SHLD2: variants seen among roughly 807,000 people sequenced by gnomAD.
The protein encoded by SHLD2 is RINN1-REV7-interacting novel NHEJ regulator 2.
Under a neutral mutation model 73.2 loss-of-function variants are expected in SHLD2, and 30 were observed. The observed-to-expected ratio is 0.41, with a 90% CI of 0.31 to 0.56. SHLD2 has a LOEUF of 0.56. Ranked by LOEUF, SHLD2 falls within the 20% of genes least tolerant of loss-of-function variation. The pLI is 0.28. For synonymous variants in SHLD2, 285 were observed against 370.1 expected (o/e 0.77, Z 2.64); for missense variants, 745 against 1,055.9 (o/e 0.71, Z 4.08).
chr10:87,144,616 ATTTTTT>A (rs548218721), intron 2 of SHLD2, among the ~76,000 whole-genome samples: 2,118 of 89,416 alleles, frequency 0.024, 17 homozygotes, highest in South Asian at 0.06. Context: ...GCATTTACTA[ATTTTTT>A]TTTTTTTTTT....
intron 4 of SHLD2, among the ~76,000 whole-genome samples, chr10:87,166,365 TAAC>T (rs1372926454): frequency 6.8e-6 from 1 of 147,168 alleles, no homozygotes; most frequent in Non-Finnish European, 1.5e-5. Context: ...TGACTAACAA[TAAC>T]AAAGGAAGCT....
chr10:87,097,455 G>A (rs2133906559), intron 2 of SHLD2, among the ~76,000 whole-genome samples: 1 of 152,214 alleles, frequency 6.6e-6, no homozygotes, highest in Non-Finnish European at 1.5e-5. Context: ...AGCCAGGCGT[G>A]GTGGCGGGGA....
In SHLD2 at chr10:87,120,543, G is replaced by A. The variant is rs541714782; in HGVS notation, c.-6+23554G>A. Among the ~76,000 whole-genome samples, 13 of 151,882 alleles carry A rather than the reference G, an allele frequency of 8.6e-5. No homozygotes were observed. The South Asian group carries it at 2.5e-3, about 29-fold the overall frequency. On this transcript the variant is annotated intron_variant, in intron 2 of 9. Coordinates refer to ENST00000298786, the MANE Select transcript of SHLD2 (RefSeq NM_001330112.2). Reference sequence around the variant, plus strand: ...ATTACAGGCGTGAACCACCGCGCCCGGCCGTGTTGAAGTTTTTAATATAGC... The same window carrying A: ...ATTACAGGCGTGAACCACCGCGCCCAGCCGTGTTGAAGTTTTTAATATAGC...
chr10:87,134,303 C>T (rs1217999862), intron 2 of SHLD2, among the ~76,000 whole-genome samples: 2 of 152,192 alleles, frequency 1.3e-5, no homozygotes, highest in Non-Finnish European at 2.9e-5. Context: ...ATGAACCAAA[C>T]TCCAGAAAGT....
At chr10:87,187,307 T>C (rs1353283095) in intron 9 of SHLD2, 107 bp downstream of exon 9, 2 of 741,170 alleles carry the variant, frequency 2.7e-6, no homozygotes, top group East Asian at 2.7e-5. Flanking sequence ...TCTGTCCATA[T>C]GAAAACCGAA....
At chr10:87,168,335 G>A (rs1157723408) in intron 4 of SHLD2, among the ~76,000 whole-genome samples, 3 of 152,164 alleles carry the variant, frequency 2.0e-5, no homozygotes, top group African/African-American at 7.2e-5. Context: ...AGTGGCTCAT[G>A]CCTGTAATTC....
chr10:87,165,251 A>G (rs557092215), intron 4 of SHLD2, among the ~76,000 whole-genome samples: 12 of 152,266 alleles, frequency 7.9e-5, no homozygotes, highest in Admixed American at 2.6e-4. Context: ...GATCACAATA[A>G]TAAATACTGC....
chr10:87,115,998 T>G (rs906362356), intron 2 of SHLD2, among the ~76,000 whole-genome samples: 2 of 152,218 alleles, frequency 1.3e-5, no homozygotes, highest in African/African-American at 4.8e-5. Flanking sequence ...CAGTAAATAT[T>G]TATTAAATGA....
At chr10:87,122,556 C>A in intron 2 of SHLD2, among the ~76,000 whole-genome samples, 1 of 151,768 alleles carries the variant, frequency 6.6e-6, no homozygotes, top group Non-Finnish European at 1.5e-5. Flanking sequence ...AAACTAAGAA[C>A]CCAGGACTGT....
At chr10:87,096,098 T>G (rs1011550451) in intron 1 of SHLD2, among the ~76,000 whole-genome samples, 8 of 152,238 alleles carry the variant, frequency 5.3e-5, no homozygotes, top group Non-Finnish European at 5.9e-5. Context: ...GGGAGTGTAG[T>G]GGCACCATCT....
intron 4 of SHLD2, among the ~76,000 whole-genome samples, chr10:87,166,865 C>G (rs1847237211): frequency 6.6e-6 from 1 of 151,782 alleles, no homozygotes; most frequent in Admixed American, 6.6e-5. Context: ...CAGTTGAAGT[C>G]AGTTAAATTT....
chr10:87,166,766 TAAG>T (rs1429622800), intron 4 of SHLD2, among the ~76,000 whole-genome samples: 2 of 152,194 alleles, frequency 1.3e-5, no homozygotes, highest in Admixed American at 6.5e-5. Flanking sequence ...CAGGGCATTT[TAAG>T]AAGAAAAGCA....
chr10:87,147,089 C>CAAAAAAAAAAAAAAAAAAAAAA, intron 2 of SHLD2, among the ~76,000 whole-genome samples: 1 of 99,168 alleles, frequency 1.0e-5, no homozygotes, highest in Non-Finnish European at 2.2e-5. Flanking sequence ...AAAAAAAAAA[C>CAAAAAAAAAAAAAAAAAAAAAA]AAAAAAACCT....
chr10:87,096,194 G>C (rs1841866419), intron 1 of SHLD2, among the ~76,000 whole-genome samples: 1 of 152,040 alleles, frequency 6.6e-6, no homozygotes, highest in Admixed American at 6.5e-5. Flanking sequence ...ACAGGCCCGC[G>C]CCACCACGCC....
At chr10:87,119,174 G>C (rs576973783) in intron 2 of SHLD2, among the ~76,000 whole-genome samples, 132 of 150,336 alleles carry the variant, frequency 8.8e-4, no homozygotes, top group Non-Finnish European at 1.4e-3. Context: ...AAGTGATGGT[G>C]TCATGATACA....
chr10:87,095,621 G>C (rs1014399095), intron 1 of SHLD2, among the ~76,000 whole-genome samples: 1 of 152,240 alleles, frequency 6.6e-6, no homozygotes, highest in African/African-American at 2.4e-5. Context: ...ATTATGCGTG[G>C]CTGGCGTGAG....
chr10:87,151,432 A>G lies in SHLD2; in HGVS notation c.78A>G (p.Thr26=). 1 of 1,608,284 alleles carries G rather than the reference A, an allele frequency of 6.2e-7. No individual in the cohort carries two copies. Among genetic ancestry groups the G allele is most frequent in the Non-Finnish European group, 8.5e-7 (1 of 1,178,726 alleles). The part of the protein sequence containing the change: ...APLKITVSED[T]ASLMSVADPW... The stretch of plus-strand genomic sequence containing the variant: ...TGAAAATCACAGTATCAGAAGACAC[A>G]GCTTCTTTAATGTCTGTTGCTGACC... Residue 26 remains threonine (T), a synonymous_variant, in exon 3 of 10, where the codon ACA becomes ACG. Transcript: ENST00000298786.
intron 2 of SHLD2, among the ~76,000 whole-genome samples, chr10:87,105,429 C>T (rs1842535231): frequency 6.6e-6 from 1 of 152,172 alleles, no homozygotes; most frequent in Non-Finnish European, 1.5e-5. Flanking sequence ...CAATGAAGGA[C>T]TAGGCACAAG....
intron 2 of SHLD2, among the ~76,000 whole-genome samples, chr10:87,118,520 A>G (rs1204011110): frequency 1.4e-5 from 2 of 146,808 alleles, no homozygotes; most frequent in Non-Finnish European, 3.0e-5. Flanking sequence ...CCCAGGAATC[A>G]AAGATATTGT....
Sources: allele counts gnomAD v4.1 joint callset (sites outside exome capture counted in the v4.1 genomes callset), GRCh38; gene constraint gnomAD v4.1.1; transcripts MANE v1.5; gene names NCBI Gene and HGNC (gene_info 2026-07-23, HGNC 2026-07-21).